INTS3: variants seen among roughly 807,000 people sequenced by gnomAD.
The protein encoded by INTS3 is SOSS complex subunit A.
In INTS3, 34 loss-of-function variants were observed where a neutral mutation model predicts 146.3. That is an observed-to-expected ratio of 0.23 (90% CI 0.18 to 0.31). The LOEUF (loss-of-function observed/expected upper bound fraction) is 0.31. INTS3 is among the 10% of genes least tolerant of loss of function. INTS3 has a pLI of 1.00. For missense variants in INTS3, 757 were observed against 1,304.2 expected (o/e 0.58, Z 6.46); for synonymous variants, 475 against 494.9 (o/e 0.96, Z 0.53).
At chr1:153,746,253 C>A (rs1164337230) in intron 3 of INTS3, among the ~76,000 whole-genome samples, 1 of 152,144 alleles carries the variant, frequency 6.6e-6, no homozygotes, top group Non-Finnish European at 1.5e-5. Context: ...TTGCAGTGAC[C>A]TTTTACTGAC....
rs773226836 is a variant in INTS3, at chr1:153,728,673, A to T, written c.39A>T (p.Ala13=). 3.5e-5 allele frequency: 56 copies of T among 1,602,694 alleles called. No individual in the cohort carries two copies. In the Admixed American group the frequency reaches 7.5e-4, roughly 21 times the overall value. ...LQKGKGAAAA[A]AASGAAGGGG... ...AGGGAAAAGGGGCGGCAGCAGCAGC[A>T]GCTGCTTCGGGAGCAGCGGGAGGTG... The change falls in exon 1 of 30, where the codon GCA becomes GCT. Residue 13 remains alanine, a synonymous_variant. Coordinates refer to ENST00000318967, the MANE Select transcript of INTS3 (RefSeq NM_023015.5).
chr1:153,763,681 TA>T, intron 16 of INTS3, 150 bp from the exon 17 acceptor site: 1 of 729,758 alleles, frequency 1.4e-6, no homozygotes, highest in Non-Finnish European at 2.3e-6. Flanking sequence ...AATTCTGCCC[TA>T]AAGCCTCCCC....
chr1:153,731,605 T>C (rs1406021730), intron 1 of INTS3, among the ~76,000 whole-genome samples: 1 of 127,374 alleles, frequency 7.9e-6, no homozygotes. Context: ...TTTTTTGAGA[T>C]GGAGTCTCAC....
At chr1:153,729,766 T>C (rs900286592) in intron 1 of INTS3, among the ~76,000 whole-genome samples, 1 of 150,208 alleles carries the variant, frequency 6.7e-6, no homozygotes, top group Admixed American at 6.7e-5. Flanking sequence ...TTTGGGAGGC[T>C]GAGGCAGGAG....
intron 1 of INTS3, among the ~76,000 whole-genome samples, chr1:153,739,624 G>A (rs1418132238): frequency 6.6e-6 from 1 of 151,380 alleles, no homozygotes; most frequent in African/African-American, 2.4e-5. Flanking sequence ...GTGAACCACC[G>A]CACCCAGCTA....
rs371311464 is a variant in INTS3, at chr1:153,772,635, C to G, written c.2822-4C>G. 17 of 1,614,210 alleles carry G rather than the reference C, an allele frequency of 1.1e-5. No homozygotes were observed. The highest frequency in any genetic ancestry group is 1.6e-4 in the Middle Eastern group (1 of 6,062). On this transcript the variant is annotated splice_polypyrimidine_tract_variant and splice_region_variant and intron_variant, in intron 27 of 29. Coordinates refer to ENST00000318967, the MANE Select transcript of INTS3 (RefSeq NM_023015.5). This position sits in a 1 kb window ranked among gnomAD's most constrained non-coding sequence, Gnocchi z 4.6. ...CTTCCCTGCTCTCCCTTTTCTTCCT[C>G]TAGTTTTTAGCCAGACGCCAATTCT...
chr1:153,770,556 A>T, intron 24 of INTS3, 129 bp from the exon 25 acceptor site: 1 of 801,976 alleles, frequency 1.2e-6, no homozygotes, highest in South Asian at 1.5e-5. Context: ...GGGGTAGGGG[A>T]TTCTTCCTGG....
intron 4 of INTS3, 52 bp from the exon 5 acceptor site, chr1:153,747,227 T>G: frequency 6.6e-7 from 1 of 1,520,514 alleles, no homozygotes; most frequent in Non-Finnish European, 9.1e-7. Context: ...ATTAGCTCCC[T>G]TCTCAAACTC....
Position 153,773,986 on chromosome 1 carries a change from G to GT in INTS3, c.*727dup, listed in dbSNP as rs71707457. On this transcript the variant is annotated 3_prime_UTR_variant, in exon 30 of 30. Coordinates refer to ENST00000318967, the MANE Select transcript of INTS3 (RefSeq NM_023015.5). ...CAAATGATCCCATTTCCTTGAGTCT[G>GT]TTTTTTTTTTTGTTTTTTTTTGTTT... is the stretch of plus-strand genomic sequence containing the variant. 0.029 allele frequency: 4,311 copies of GT among 147,834 alleles called. 55 individuals carry two copies. Among genetic ancestry groups the GT allele is most frequent in the Non-Finnish European group, 0.026 (1,675 of 63,382 alleles). The allele number at this position is 147,834 out of a possible 1,614,324, so 9.2% of individuals were successfully genotyped here.
Position 153,754,759 on chromosome 1 carries a change from CAAGAG to C in INTS3, c.957+26_957+30del, listed in dbSNP as rs1290968072. On this transcript the variant is annotated intron_variant, in intron 9 of 29. Transcript: ENST00000318967. ...TCCCGGGTAAGCTAAGGTGTTGCAG[CAAGAG>C]AAGAGGTCACACGCTGGCTGGGCTT... 9 of 1,507,120 alleles carry C rather than the reference CAAGAG, an allele frequency of 6.0e-6. No homozygotes were observed. The highest frequency in any genetic ancestry group is 7.4e-6 in the Non-Finnish European group (8 of 1,082,722). The allele number at this position is 1,507,120 out of a possible 1,614,324, so 93.4% of individuals were successfully genotyped here. A position where few individuals can be genotyped will look rare whatever the true frequency, so the allele number is the denominator to read the frequency against.
intron 9 of INTS3, among the ~76,000 whole-genome samples, chr1:153,756,048 T>C (rs1234435683): frequency 6.9e-6 from 1 of 144,208 alleles, no homozygotes; most frequent in Non-Finnish European, 1.5e-5. Flanking sequence ...TCAAAAAATA[T>C]ATATATATTA....
rs542483679 is a variant in INTS3, at chr1:153,766,115, CTTTTTTT to C, written c.2090+1070_2090+1076del. The stretch of plus-strand genomic sequence containing the variant: ...TTTTGTGACTTGCTTTTTTCTTTCT[CTTTTTTT>C]TTTTTTTTTTTTTTTTTGAGACAGA... On this transcript the variant is annotated intron_variant, in intron 20 of 29. Transcript: ENST00000318967. Among the ~76,000 whole-genome samples, 34 of 84,624 alleles carry C rather than the reference CTTTTTTT, an allele frequency of 4.0e-4. No homozygotes were observed. The South Asian group carries it at 0.014, about 34-fold the overall frequency. 55.5% of individuals were successfully genotyped at this position (84,624 alleles called of 152,430 possible).
intron 7 of INTS3, among the ~76,000 whole-genome samples, chr1:153,751,727 A>C (rs1671962903): frequency 6.6e-6 from 1 of 152,180 alleles, no homozygotes; most frequent in African/African-American, 2.4e-5. Flanking sequence ...AGTCTCCCAA[A>C]GTGTTGGGAT....
At chr1:153,761,034 G>A in intron 13 of INTS3, 116 bp downstream of exon 13, 1 of 1,521,206 alleles carries the variant, frequency 6.6e-7, no homozygotes, top group African/African-American at 1.4e-5. Flanking sequence ...AAAAAGTATT[G>A]GCTCTACCTC....
intron 1 of INTS3, among the ~76,000 whole-genome samples, chr1:153,739,728 C>CA (rs1671448230): frequency 6.6e-6 from 1 of 152,032 alleles, no homozygotes. Context: ...CTCAGCCTCC[C>CA]AAAGTGCTGG....
Position 153,757,453 on chromosome 1 carries a change from A to G in INTS3, c.958-119A>G, listed in dbSNP as rs1672202996. 1.3e-6 allele frequency: 1 copy of G among 758,756 alleles called. No homozygotes were observed. The highest frequency in any genetic ancestry group is 2.5e-5 in the East Asian group (1 of 40,334). The allele number at this position is 758,756 out of a possible 1,614,324, so 47.0% of individuals were successfully genotyped here. A position where few individuals can be genotyped will look rare whatever the true frequency, so the allele number is the denominator to read the frequency against. Reference sequence around the variant, plus strand: ...CTTACGAGACAGTATGAGCTAATGAATGAATTGTGGAGAAATAGAGGTCTA... The same window carrying G: ...CTTACGAGACAGTATGAGCTAATGAGTGAATTGTGGAGAAATAGAGGTCTA... On this transcript the variant is annotated intron_variant, in intron 9 of 29. Transcript: ENST00000318967. This position sits in a 1 kb window ranked among gnomAD's most constrained non-coding sequence, Gnocchi z 4.0.
intron 20 of INTS3, 149 bp downstream of exon 20, chr1:153,765,212 C>T: frequency 2.5e-6 from 2 of 809,134 alleles, no homozygotes; most frequent in South Asian, 1.6e-5. Flanking sequence ...TAAGAGACAG[C>T]ATCTCACTCT....
At position 153,774,334 on chromosome 1, in the gene INTS3, T is replaced by C. The variant is rs1469185159; in HGVS notation, c.*1064T>C. ...GATGAGGCCTGTCCTTACTCATTTC[T>C]CAAGAAACAAGATGCTTCCAAAAGG... On this transcript the variant is annotated 3_prime_UTR_variant, in exon 30 of 30. Coordinates refer to ENST00000318967, the MANE Select transcript of INTS3 (RefSeq NM_023015.5). 3.3e-5 allele frequency: 5 copies of C among 152,256 alleles called. No individual in the cohort carries two copies. The highest frequency in any genetic ancestry group is 4.8e-5 in the African/African-American group (2 of 41,442). 9.4% of individuals were successfully genotyped at this position (152,256 alleles called of 1,614,324 possible).
At chr1:153,770,337 A>C in intron 24 of INTS3, 26 bp downstream of exon 24, 2 of 1,358,740 alleles carry the variant, frequency 1.5e-6, no homozygotes, top group Non-Finnish European at 2.1e-6. Flanking sequence ...GGTAGGGAGC[A>C]CATCAGATAT....
Sources: allele counts gnomAD v4.1 joint callset (sites outside exome capture counted in the v4.1 genomes callset), GRCh38; gene constraint gnomAD v4.1.1; non-coding constraint Gnocchi (gnomAD v3.1); transcripts MANE v1.5; gene names NCBI Gene and HGNC (gene_info 2026-07-23, HGNC 2026-07-21).